The following LTBP1 variants were observed in gnomAD, a reference collection of about 807,000 sequenced individuals.
The protein encoded by LTBP1 is latent-transforming growth factor beta-binding protein 1.
In LTBP1, 129 loss-of-function variants were observed where a neutral mutation model predicts 207.6. That is an observed-to-expected ratio of 0.62 (90% CI 0.54 to 0.72). LTBP1 has a LOEUF of 0.72. Among genes scored for constraint, LTBP1 ranks in the 30% least tolerant of loss-of-function variants. The probability of loss-of-function intolerance (pLI) is 0.00; values close to 1 mark genes in which losing one functional copy is unlikely to be tolerated. For synonymous variants in LTBP1, 963 were observed against 833.7 expected, an observed-to-expected ratio of 1.16 and a Z score of -2.67; for missense variants, 2,281 against 2,217.2, an observed-to-expected ratio of 1.03 and a Z score of -0.58.
At chr2:33,246,419 G>T (rs2092511349) in intron 10 of LTBP1, among the ~76,000 whole-genome samples, 1 of 152,038 alleles carries the variant, frequency 6.6e-6, no homozygotes, top group Non-Finnish European at 1.5e-5. Context: ...AAAGATAATG[G>T]TATTTTTGGT....
rs1417420633 is a variant in LTBP1 at position 33,000,680 on chromosome 2, C to T, written c.566-20229C>T. Among the ~76,000 whole-genome samples the T allele has an allele frequency of 1.5e-5, 2 of 134,748 alleles. 1 individual carries two copies. The highest frequency in any genetic ancestry group is 3.3e-5 in the Non-Finnish European group (2 of 61,244). 88.4% of individuals were successfully genotyped at this position (134,748 alleles called of 152,430 possible). A position where few individuals can be genotyped will look rare whatever the true frequency, so the allele number is the denominator to read the frequency against. ...ATAAAACCTCATGCCTCATTTGCTG[C>T]CTCCAGATCTCTTCTTGCCATTTCT... On this transcript the variant is annotated intron_variant, in intron 2 of 33. Transcript: ENST00000404816.
At chr2:33,176,110 C>G (rs1188468951) in intron 5 of LTBP1, among the ~76,000 whole-genome samples, 3 of 151,500 alleles carry the variant, frequency 2.0e-5, no homozygotes, top group Non-Finnish European at 4.4e-5. Flanking sequence ...ACATACGTAA[C>G]TAACCTGCAC....
intron 3 of LTBP1, among the ~76,000 whole-genome samples, chr2:33,099,138 G>T (rs552758682): frequency 1.3e-5 from 2 of 152,292 alleles, no homozygotes; most frequent in South Asian, 4.1e-4. Context: ...GATCTTGCAG[G>T]TCCTGTAGGG....
Position 32,947,614 on chromosome 2 carries a change from G to A in LTBP1, c.290G>A (p.Gly97Glu). ...TSKPGGAALQGLRPPPPPPPE... is the reference protein window; with the variant it reads ...TSKPGGAALQELRPPPPPPPE... The stretch of plus-strand genomic sequence containing the variant: ...AAGCCGGGCGGCGCGGCCCTGCAGG[G>A]GCTCAGACCGCCGCCGCCGCCGCCG... The change falls in exon 1 of 34, where the codon GGG becomes GAG. Residue 97 changes from glycine (G) to glutamate (E), a missense_variant. Physicochemically the swap from Gly to Glu is moderately conservative, Grantham distance 98. Transcript: ENST00000404816. 2 of 1,336,728 alleles carry A rather than the reference G, an allele frequency of 1.5e-6. No individual in the cohort carries two copies. The highest frequency in any genetic ancestry group is 1.9e-6 in the Non-Finnish European group (2 of 1,050,028). 82.8% of individuals were successfully genotyped at this position (1,336,728 alleles called of 1,614,324 possible).
chr2:33,044,988 A>T (rs2076378477), intron 3 of LTBP1, among the ~76,000 whole-genome samples: 1 of 151,442 alleles, frequency 6.6e-6, no homozygotes, highest in Non-Finnish European at 1.5e-5. Flanking sequence ...AAATTTGTTT[A>T]AGTTCTTTGT....
chr2:33,162,580 A>G (rs2084561340), intron 5 of LTBP1, among the ~76,000 whole-genome samples: 1 of 152,162 alleles, frequency 6.6e-6, no homozygotes, highest in African/African-American at 2.4e-5. Flanking sequence ...ACTCTCTTTC[A>G]CCTGCCTGGT....
chr2:33,007,021 C>T lies in LTBP1; in HGVS notation c.566-13888C>T, dbSNP rs372686685. 1.8e-3 allele frequency among the ~76,000 whole-genome samples: 267 copies of T among 152,208 alleles called. 1 individual carries two copies. Among genetic ancestry groups the T allele is most frequent in the African/African-American group, 5.8e-3 (241 of 41,538 alleles). On this transcript the variant is annotated intron_variant, in intron 2 of 33. Coordinates refer to ENST00000404816, the MANE Select transcript of LTBP1 (RefSeq NM_206943.4). ...TAGCAGGGGCTGTATCCACAGCCTG[C>T]GAATGTTTGTGTTCTACGATGATAC...
At chr2:33,168,411 A>G (rs1039313143) in intron 5 of LTBP1, among the ~76,000 whole-genome samples, 3 of 151,616 alleles carry the variant, frequency 2.0e-5, no homozygotes, top group South Asian at 2.1e-4. Flanking sequence ...AAAAAAAAAA[A>G]AAAAAGAAAA....
intron 3 of LTBP1, among the ~76,000 whole-genome samples, chr2:33,093,813 T>TATCATC (rs549103792): frequency 2.0e-5 from 3 of 151,796 alleles, no homozygotes; most frequent in African/African-American, 7.3e-5. Context: ...TGATGATGAT[T>TATCATC]ATCATCATCA....
rs142807891 is a variant in LTBP1, at chr2:33,288,526, C to A, written c.3113-4634C>A. On this transcript the variant is annotated intron_variant, in intron 19 of 33. Transcript: ENST00000404816. ...GAGAATTGATAGTTACCAGAGGATA[C>A]GGAGAGAGTAATGTTCTCATTTCCC... is the stretch of plus-strand genomic sequence containing the variant. Among the ~76,000 whole-genome samples, 408 of 152,194 alleles carry A rather than the reference C, an allele frequency of 2.7e-3. 1 individual carries two copies. Among genetic ancestry groups the A allele is most frequent in the African/African-American group, 9.2e-3 (384 of 41,526 alleles).
chr2:33,169,510 A>G (rs2085232615), intron 5 of LTBP1, among the ~76,000 whole-genome samples: 1 of 152,264 alleles, frequency 6.6e-6, no homozygotes, highest in African/African-American at 2.4e-5. Context: ...GAGTTGAATA[A>G]TTAAGCAAGA....
intron 31 of LTBP1, among the ~76,000 whole-genome samples, chr2:33,378,760 C>G (rs1164598254): frequency 6.6e-6 from 1 of 152,168 alleles, no homozygotes; most frequent in East Asian, 1.9e-4. Flanking sequence ...ATGGCTAGAA[C>G]AAAGCTGCTG....
intron 7 of LTBP1, among the ~76,000 whole-genome samples, chr2:33,196,765 C>T (rs987697273): frequency 3.9e-5 from 6 of 152,152 alleles, no homozygotes; most frequent in African/African-American, 1.4e-4. Flanking sequence ...TACAAGCAGC[C>T]TCATCCTTGA....
At chr2:33,150,592 C>T (rs1297286827) in intron 5 of LTBP1, among the ~76,000 whole-genome samples, 1 of 151,944 alleles carries the variant, frequency 6.6e-6, no homozygotes, top group East Asian at 1.9e-4. Context: ...CCTCTGGTCA[C>T]CCCTGTTCTA....
chr2:33,201,238 C>T (rs1424246403), intron 7 of LTBP1, among the ~76,000 whole-genome samples: 2 of 152,034 alleles, frequency 1.3e-5, no homozygotes, highest in African/African-American at 2.4e-5. Context: ...AAATGGCCAA[C>T]AATGATAGAC....
chr2:33,213,905 C>T (rs1300303828), intron 7 of LTBP1, among the ~76,000 whole-genome samples: 1 of 152,174 alleles, frequency 6.6e-6, no homozygotes, highest in Non-Finnish European at 1.5e-5. Context: ...AAAACAAAGC[C>T]ATGGGATAAA....
At chr2:33,305,900 A>ATGG (rs2094082353) in intron 22 of LTBP1, among the ~76,000 whole-genome samples, 1 of 152,172 alleles carries the variant, frequency 6.6e-6, no homozygotes, top group Non-Finnish European at 1.5e-5. Context: ...AAAGTTAACC[A>ATGG]TGGGATTTTT....
intron 2 of LTBP1, among the ~76,000 whole-genome samples, chr2:32,950,652 A>T (rs538995215): frequency 6.6e-6 from 1 of 152,080 alleles, no homozygotes; most frequent in Non-Finnish European, 1.5e-5. Flanking sequence ...AATTGCCTGT[A>T]CCTGGGTAGG....
chr2:33,155,914 G>C (rs2083936580), intron 5 of LTBP1, among the ~76,000 whole-genome samples: 1 of 152,184 alleles, frequency 6.6e-6, no homozygotes, highest in African/African-American at 2.4e-5. Flanking sequence ...TTAATCAGCT[G>C]TGATACTTCC....
Sources: allele counts gnomAD v4.1 joint callset (sites outside exome capture counted in the v4.1 genomes callset), GRCh38; gene constraint gnomAD v4.1.1; transcripts MANE v1.5; gene names NCBI Gene and HGNC (gene_info 2026-07-23, HGNC 2026-07-21).